Variants in MEGF10 observed in about 807,000 individuals in gnomAD.
MEGF10 encodes the protein multiple EGF like domains 10, also known as multiple epidermal growth factor-like domains protein 10.
MEGF10 carries 86 observed loss-of-function variants against 147.5 expected under a neutral mutation model. The ratio of observed to expected loss-of-function variants is 0.58; its 90% CI spans 0.49 to 0.70. The LOEUF is 0.70. Among genes scored for constraint, MEGF10 ranks in the 30% least tolerant of loss-of-function variants. The pLI is 0.00. For synonymous variants in MEGF10, 478 were observed against 525.5 expected (o/e 0.91, Z 1.24); for missense variants, 1,329 against 1,487.3 (o/e 0.89, Z 1.75).
chr5:127,357,300 C>G (rs947008070), intron 4 of MEGF10, among the ~76,000 whole-genome samples: 1 of 152,102 alleles, frequency 6.6e-6, no homozygotes, highest in Non-Finnish European at 1.5e-5. Flanking sequence ...TTATGACAAA[C>G]AGTTGTTCAC....
chr5:127,279,236 G>A, the MEGF10 span, among the ~76,000 whole-genome samples: 1 of 152,170 alleles, frequency 6.6e-6, no homozygotes. Context: ...TTTATTAGAA[G>A]AATTATTTGA....
At chr5:127,312,307 T>C (rs995049173) in intron 1 of MEGF10, among the ~76,000 whole-genome samples, 2 of 152,206 alleles carry the variant, frequency 1.3e-5, no homozygotes, top group African/African-American at 4.8e-5. Flanking sequence ...TAAATCCTGG[T>C]CATAACAGAG....
chr5:127,351,743 C>A (rs946673659), intron 4 of MEGF10, among the ~76,000 whole-genome samples: 12 of 152,208 alleles, frequency 7.9e-5, no homozygotes, highest in African/African-American at 2.7e-4. Flanking sequence ...ACTCCTGTAA[C>A]TTCACACTAC....
At position 127,402,696 on chromosome 5, in the gene MEGF10, T is replaced by A; in HGVS notation, c.917+14T>A. On this transcript the variant is annotated intron_variant, in intron 8 of 24. Transcript: ENST00000503335. ...CACAGGGGAACGGTAAGGGATGCCCTTGTATTTCTCTGACTGTTTATAATG... is the reference window on the plus strand; with the variant it reads ...CACAGGGGAACGGTAAGGGATGCCCATGTATTTCTCTGACTGTTTATAATG... 1 of 1,612,944 alleles carries A rather than the reference T, an allele frequency of 6.2e-7. No individual in the cohort carries two copies. The highest frequency in any genetic ancestry group is 8.5e-7 in the Non-Finnish European group (1 of 1,179,456).
chr5:127,240,729 A>G, the MEGF10 span, among the ~76,000 whole-genome samples: 1 of 152,212 alleles, frequency 6.6e-6, no homozygotes, highest in Admixed American at 6.5e-5. Context: ...GCCCCTATGA[A>G]GGAAATATTG....
Position 127,340,656 on chromosome 5 carries a change from G to A in MEGF10, c.319+26G>A, listed in dbSNP as rs775319173. 1.9e-6 allele frequency: 3 copies of A among 1,592,054 alleles called. No homozygotes were observed. In the South Asian group the frequency reaches 3.3e-5, roughly 18 times the overall value. ...GTAAGTAAGACTGTCACCCCTTTGA[G>A]ATTCGCTAGTTTTTCCCAGTGCTGG... On this transcript the variant is annotated intron_variant, in intron 4 of 24. Transcript: ENST00000503335.
At chr5:127,427,523 C>T (rs557443225) in intron 13 of MEGF10, among the ~76,000 whole-genome samples, 2 of 151,894 alleles carry the variant, frequency 1.3e-5, no homozygotes, top group East Asian at 1.9e-4. Context: ...AGGGTGTAAT[C>T]GGAAGGAGGA....
rs1202191406 is a variant in MEGF10, at chr5:127,422,745, C to G, written c.1666C>G (p.His556Asp). 6.2e-7 allele frequency: 1 copy of G among 1,614,118 alleles called. No homozygotes were observed. The highest frequency in any genetic ancestry group is 1.7e-5 in the Admixed American group (1 of 60,030). Reference sequence around the variant, plus strand: ...AGATGGCTGCCACCCTACCACGGGCCATTGCCGCTGCCTCCCCGGATGGTC... The same window carrying G: ...AGATGGCTGCCACCCTACCACGGGCGATTGCCGCTGCCTCCCCGGATGGTC... ...HADGCHPTTG[H>D]CRCLPGWSGV... Residue 556 changes from histidine (H) to aspartate (D), a missense_variant, in exon 13 of 25, where the codon CAT becomes GAT. This residue lies in a region of MEGF10 where 980 missense variants were observed against 1,085.9 expected (regional missense o/e 0.90). Coordinates refer to ENST00000503335, the MANE Select transcript of MEGF10 (RefSeq NM_001256545.2).
chr5:127,251,624 G>GTTA, the MEGF10 span, among the ~76,000 whole-genome samples: 7 of 151,966 alleles, frequency 4.6e-5, no homozygotes, highest in Non-Finnish European at 8.8e-5. Context: ...GGGGTGATTG[G>GTTA]TTATCCATTT....
intron 1 of MEGF10, among the ~76,000 whole-genome samples, chr5:127,312,679 A>T (rs1760344212): frequency 6.6e-6 from 1 of 152,204 alleles, no homozygotes. Flanking sequence ...ACCAAACCAT[A>T]TGCAGAATCC....
chr5:127,234,433 A>G, the MEGF10 span, among the ~76,000 whole-genome samples: 1 of 152,232 alleles, frequency 6.6e-6, no homozygotes, highest in African/African-American at 2.4e-5. Flanking sequence ...ATGGATATTG[A>G]ATAGACAACT....
At chr5:127,303,444 A>G (rs1759869684) in intron 1 of MEGF10, among the ~76,000 whole-genome samples, 1 of 152,146 alleles carries the variant, frequency 6.6e-6, no homozygotes, top group Admixed American at 6.5e-5. Context: ...ACCAGGCAGT[A>G]GATAGCAAAG....
At chr5:127,286,596 T>C (rs1247093577), upstream of MEGF10, among the ~76,000 whole-genome samples, 2 of 151,800 alleles carry the variant, frequency 1.3e-5, no homozygotes, top group African/African-American at 4.8e-5. Flanking sequence ...AGAGAGGAGT[T>C]TATAATTTTA....
At chr5:127,393,754 G>T (rs543415765) in intron 5 of MEGF10, among the ~76,000 whole-genome samples, 1 of 151,928 alleles carries the variant, frequency 6.6e-6, no homozygotes, top group African/African-American at 2.4e-5. Flanking sequence ...TTTCTATGCT[G>T]ATAGTTATCA....
the MEGF10 span, among the ~76,000 whole-genome samples, chr5:127,256,678 G>A: frequency 6.6e-6 from 1 of 152,128 alleles, no homozygotes; most frequent in Non-Finnish European, 1.5e-5. Context: ...TTTAACAAGT[G>A]TCATGAATAT....
chr5:127,270,817 G>A, the MEGF10 span, among the ~76,000 whole-genome samples: 11 of 152,106 alleles, frequency 7.2e-5, no homozygotes, highest in Non-Finnish European at 1.0e-4. Context: ...GAGAACATGC[G>A]GTATTTGGTT....
chr5:127,310,202 A>G (rs1247987401), intron 1 of MEGF10, among the ~76,000 whole-genome samples: 1 of 151,456 alleles, frequency 6.6e-6, no homozygotes, highest in Non-Finnish European at 1.5e-5. Context: ...CATATTGGCC[A>G]TTGGTATATC....
intron 5 of MEGF10, among the ~76,000 whole-genome samples, chr5:127,384,912 G>A (rs1763375422): frequency 6.6e-6 from 1 of 152,106 alleles, no homozygotes; most frequent in African/African-American, 2.4e-5. Context: ...ATTAACAAAG[G>A]GAATGACACA....
At chr5:127,416,573 C>T (rs947378871) in intron 9 of MEGF10, among the ~76,000 whole-genome samples, 1 of 152,020 alleles carries the variant, frequency 6.6e-6, no homozygotes. Flanking sequence ...ATTTCTAGGC[C>T]CTTGCCTGTG....
Sources: allele counts gnomAD v4.1 joint callset (sites outside exome capture counted in the v4.1 genomes callset), GRCh38; gene constraint gnomAD v4.1.1; regional missense constraint gnomAD v4.1.1; transcripts MANE v1.5; gene names NCBI Gene and HGNC (gene_info 2026-07-23, HGNC 2026-07-21).